Variants in MYLK observed in about 807,000 individuals in gnomAD.
The protein encoded by MYLK is myosin light chain kinase, smooth muscle.
MYLK carries 106 observed loss-of-function variants against 203.4 expected under a neutral mutation model. That is an observed-to-expected ratio of 0.52 (90% CI 0.45 to 0.61). The LOEUF (loss-of-function observed/expected upper bound fraction) is 0.61, where lower values mean the gene tolerates loss of function less well. Ranked by LOEUF, MYLK falls within the 20% of genes least tolerant of loss-of-function variation. The pLI, the probability that MYLK is intolerant of heterozygous loss-of-function variation, is 0.00. For synonymous variants in MYLK, 867 were observed against 959.5 expected, an observed-to-expected ratio of 0.90 and a Z score of 1.78; for missense variants, 2,072 against 2,442.3, an observed-to-expected ratio of 0.85 and a Z score of 3.20.
At position 123,826,003 on chromosome 3, in the gene MYLK, T is replaced by C. The variant is rs116004689; in HGVS notation, c.-4+5545A>G. Among the ~76,000 whole-genome samples, 1,278 of 152,284 alleles carry C rather than the reference T, an allele frequency of 8.4e-3. 22 individuals carry two copies. The highest frequency in any genetic ancestry group is 0.028 in the African/African-American group (1,179 of 41,558). On this transcript the variant is annotated intron_variant, in intron 3 of 33. Transcript: ENST00000360304. ...ACTCAGGACCTGAGAAACAGCTCCA[T>C]AATAGCATCCCCCCTTTGCAGGCAT...
intron 16 of MYLK, among the ~76,000 whole-genome samples, chr3:123,704,457 C>T (rs1222593410): frequency 6.6e-6 from 1 of 152,176 alleles, no homozygotes; most frequent in African/African-American, 2.4e-5. Flanking sequence ...ATGGGGCTAT[C>T]ATCCTATAAA....
intron 3 of MYLK, among the ~76,000 whole-genome samples, chr3:123,813,517 T>TC (rs1553855137): frequency 4.7e-5 from 6 of 126,940 alleles, no homozygotes; most frequent in Non-Finnish European, 9.1e-5. Flanking sequence ...TCTCTCTCTC[T>TC]TTTTTTTTTT....
At chr3:123,662,820 G>T (rs923698032) in intron 23 of MYLK, among the ~76,000 whole-genome samples, 24 of 152,166 alleles carry the variant, frequency 1.6e-4, no homozygotes, top group Non-Finnish European at 1.5e-5. Flanking sequence ...GGGGTCTAGT[G>T]GGGGCATCTG....
intron 2 of MYLK, among the ~76,000 whole-genome samples, chr3:123,863,366 G>C: frequency 5.5e-5 from 1 of 18,284 alleles, no homozygotes; most frequent in Non-Finnish European, 1.2e-4. Flanking sequence ...AAATAGCCTT[G>C]CCAAAAAAAA....
intron 2 of MYLK, among the ~76,000 whole-genome samples, chr3:123,869,307 G>A (rs1003209153): frequency 1.3e-5 from 2 of 152,122 alleles, no homozygotes; most frequent in Admixed American, 6.6e-5. Flanking sequence ...CATAAGGAGG[G>A]TTATTATTAT....
At chr3:123,708,609 G>A in intron 15 of MYLK, 89 bp downstream of exon 15, 1 of 1,480,236 alleles carries the variant, frequency 6.8e-7, no homozygotes, top group Non-Finnish European at 9.3e-7. Context: ...GAACAAAGTA[G>A]CCTCATGTGG....
At chr3:123,815,558 T>C (rs2065720563) in intron 3 of MYLK, among the ~76,000 whole-genome samples, 1 of 152,158 alleles carries the variant, frequency 6.6e-6, no homozygotes, top group African/African-American at 2.4e-5. Flanking sequence ...TCCACCCAGC[T>C]GAGTCCTACT....
At chr3:123,735,616 T>G in intron 8 of MYLK, 200 bp from the exon 9 acceptor site, 1 of 602,446 alleles carries the variant, frequency 1.7e-6, no homozygotes, top group Non-Finnish European at 3.0e-6. Context: ...TCCTTTGGGC[T>G]TCTTAATAGT....
chr3:123,623,021 G>A (rs2057954246), intron 31 of MYLK: 1 of 152,218 alleles, frequency 6.6e-6, no homozygotes, highest in Non-Finnish European at 1.5e-5. Context: ...GAGAGCTTGT[G>A]GGGCCAGCCA....
intron 21 of MYLK, chr3:123,666,935 G>A: frequency 1.6e-6 from 1 of 621,262 alleles, no homozygotes; most frequent in Non-Finnish European, 2.9e-6. Flanking sequence ...AGCTGTGGAA[G>A]GGGACCAGGA....
chr3:123,765,105 C>T (rs937452730), intron 4 of MYLK, among the ~76,000 whole-genome samples: 4 of 152,034 alleles, frequency 2.6e-5, no homozygotes, highest in African/African-American at 7.2e-5. Context: ...AAATTGGAAC[C>T]GTCGCACACT....
At chr3:123,822,344 T>C (rs919513753) in intron 3 of MYLK, among the ~76,000 whole-genome samples, 3 of 151,992 alleles carry the variant, frequency 2.0e-5, no homozygotes, top group Non-Finnish European at 2.9e-5. Flanking sequence ...TGAAACCTGG[T>C]CAAGAGAAGA....
chr3:123,773,102 C>G (rs1287802599), intron 4 of MYLK, among the ~76,000 whole-genome samples: 1 of 151,996 alleles, frequency 6.6e-6, no homozygotes, highest in East Asian at 1.9e-4. Flanking sequence ...ATCAACATAT[C>G]AAAAACATAG....
At chr3:123,827,234 G>A (rs1352436821) in intron 3 of MYLK, among the ~76,000 whole-genome samples, 1 of 152,126 alleles carries the variant, frequency 6.6e-6, no homozygotes. Flanking sequence ...ATCAATTAAT[G>A]CAATAAAAAT....
In MYLK at chr3:123,649,310, A is replaced by G. The variant is rs111467639; in HGVS notation, c.4289-116T>C. On this transcript the variant is annotated intron_variant, in intron 24 of 33. Coordinates refer to ENST00000360304, the MANE Select transcript of MYLK (RefSeq NM_053025.4). ...CCTCAGCCTCCCCAGGCAGACGACT[A>G]CCAGGTCCAGAGCTCTGGGCATCCC... The G allele has an allele frequency of 4.6e-4, 621 of 1,360,142 alleles. 4 individuals carry two copies. The African/African-American group carries it at 7.7e-3, about 17-fold the overall frequency. 84.3% of individuals were successfully genotyped at this position (1,360,142 alleles called of 1,614,324 possible).
intron 5 of MYLK, among the ~76,000 whole-genome samples, chr3:123,747,765 T>C (rs904349026): frequency 2.0e-5 from 3 of 152,206 alleles, no homozygotes; most frequent in Admixed American, 2.0e-4. Context: ...CTGGATCTCC[T>C]CTGGGGGCTG....
At chr3:123,743,243 A>C (rs963847114) in intron 5 of MYLK, among the ~76,000 whole-genome samples, 2 of 152,188 alleles carry the variant, frequency 1.3e-5, no homozygotes, top group African/African-American at 4.8e-5. Context: ...AAATAAATAA[A>C]AGCAAAAACA....
At chr3:123,832,434 T>A (rs1205826373) in intron 2 of MYLK, among the ~76,000 whole-genome samples, 1 of 152,192 alleles carries the variant, frequency 6.6e-6, no homozygotes, top group African/African-American at 2.4e-5. Context: ...AAGCTACCCA[T>A]CCAGATGGTG....
chr3:123,838,118 C>A (rs186589886), intron 2 of MYLK, among the ~76,000 whole-genome samples: 6 of 152,018 alleles, frequency 3.9e-5, no homozygotes, highest in African/African-American at 1.4e-4. Flanking sequence ...ACCAAACACA[C>A]CTAGGCATAT....
Sources: gnomAD v4.1 joint callset for allele counts (sites outside exome capture counted in the v4.1 genomes callset) on GRCh38, gnomAD v4.1.1 for gene constraint, MANE v1.5 for transcripts, NCBI Gene and HGNC (gene_info 2026-07-23, HGNC 2026-07-21) for gene names.